The following SATB2 variants were observed in gnomAD, a reference collection of about 807,000 sequenced individuals.
SATB2 encodes the protein DNA-binding protein SATB2.
Under a neutral mutation model 73.4 loss-of-function variants are expected in SATB2, and 1 was observed. The observed-to-expected ratio is 0.01, with a 90% CI of 0.00 to 0.06. SATB2 has a LOEUF of 0.06. SATB2 is among the 10% of genes least tolerant of loss of function. SATB2 has a pLI of 1.00. For missense variants in SATB2, 459 were observed against 945.8 expected (o/e 0.49, Z 6.75); for synonymous variants, 397 against 367.0 (o/e 1.08, Z -0.93).
intron 3 of SATB2, among the ~76,000 whole-genome samples, chr2:199,403,129 T>C (rs1690530631): frequency 6.6e-6 from 1 of 152,184 alleles, no homozygotes; most frequent in Non-Finnish European, 1.5e-5. Flanking sequence ...AAACATAGAA[T>C]GACACCCACA....
intron 10 of SATB2, among the ~76,000 whole-genome samples, chr2:199,283,333 A>C (rs1574469586): frequency 6.8e-6 from 1 of 146,306 alleles, no homozygotes. Context: ...CTTGTGATCC[A>C]CCCACCTCTG....
chr2:199,395,589 A>G (rs940083136), intron 3 of SATB2, among the ~76,000 whole-genome samples: 3 of 152,354 alleles, frequency 2.0e-5, no homozygotes, highest in Admixed American at 2.0e-4. Context: ...AAATGCTTGT[A>G]TAATAATATT....
At chr2:199,431,440 T>A (rs1691498187) in intron 3 of SATB2, among the ~76,000 whole-genome samples, 1 of 152,224 alleles carries the variant, frequency 6.6e-6, no homozygotes, top group African/African-American at 2.4e-5. Flanking sequence ...AGTGATAAAA[T>A]CTTTGCTTAC....
chr2:199,390,432 G>T lies in SATB2; in HGVS notation c.347-8612C>A, dbSNP rs1690095941. On this transcript the variant is annotated intron_variant, in intron 3 of 10. Coordinates refer to ENST00000417098, the MANE Select transcript of SATB2 (RefSeq NM_001172509.2). ...TTCTAAGTTTAATCATTTTCTAAAA[G>T]AGTTTTAAATTAAAAAACTCATGGT... 3.3e-5 allele frequency among the ~76,000 whole-genome samples: 5 copies of T among 152,124 alleles called. No homozygotes were observed. The South Asian group carries it at 1.0e-3, about 32-fold the overall frequency.
chr2:199,466,996 TC>T (rs1692606273), upstream of SATB2, among the ~76,000 whole-genome samples: 2 of 152,276 alleles, frequency 1.3e-5, no homozygotes, highest in Non-Finnish European at 2.9e-5. Context: ...ATTTGGAAAC[TC>T]AGATAGAATC....
At chr2:199,277,226 A>G (rs1202528702) in intron 10 of SATB2, among the ~76,000 whole-genome samples, 1 of 152,232 alleles carries the variant, frequency 6.6e-6, no homozygotes, top group Non-Finnish European at 1.5e-5. Context: ...GGGATGTTGC[A>G]AATATTCTCT....
intron 5 of SATB2, among the ~76,000 whole-genome samples, chr2:199,372,840 G>C (rs1689490138): frequency 1.3e-5 from 2 of 152,014 alleles, no homozygotes; most frequent in Non-Finnish European, 2.9e-5. Flanking sequence ...TAGAATCCAA[G>C]AAAACTACGG....
chr2:199,338,450 T>C (rs569325875), intron 7 of SATB2, among the ~76,000 whole-genome samples: 3 of 152,046 alleles, frequency 2.0e-5, no homozygotes, highest in African/African-American at 7.2e-5. Context: ...TCATTGAGGA[T>C]AGAGACCTCT....
At chr2:199,410,031 C>T (rs1472054979) in intron 3 of SATB2, among the ~76,000 whole-genome samples, 1 of 152,138 alleles carries the variant, frequency 6.6e-6, no homozygotes, top group Non-Finnish European at 1.5e-5. Flanking sequence ...CATCACAGCC[C>T]AGAGTGATTA....
chr2:199,310,028 AG>A lies in SATB2; in HGVS notation c.1543-1072del, dbSNP rs148117668. Among the ~76,000 whole-genome samples the A allele has an allele frequency of 7.6e-3, 1,158 of 152,300 alleles. 13 individuals are homozygous for A. Among genetic ancestry groups the A allele is most frequent in the African/African-American group, 0.026 (1,087 of 41,556 alleles). On this transcript the variant is annotated intron_variant, in intron 9 of 10. Coordinates refer to ENST00000417098, the MANE Select transcript of SATB2 (RefSeq NM_001172509.2). ...TTCTGCCTTTACCCCAAAAAAGGCA[AG>A]ATTTGATTATCTCTGCTGCATCAGC...
At chr2:199,424,427 C>T (rs1250972173) in intron 3 of SATB2, among the ~76,000 whole-genome samples, 6 of 152,068 alleles carry the variant, frequency 3.9e-5, no homozygotes, top group Admixed American at 2.6e-4. Context: ...AGGAAGTCCC[C>T]GACAGCTCTG....
At chr2:199,384,502 C>T (rs575884271) in intron 3 of SATB2, among the ~76,000 whole-genome samples, 107 of 152,314 alleles carry the variant, frequency 7.0e-4, no homozygotes, top group African/African-American at 2.1e-3. Context: ...CTCTGTCTAA[C>T]GTACTGTGTT....
upstream of SATB2, among the ~76,000 whole-genome samples, chr2:199,462,531 C>T (rs1574652323): frequency 6.6e-6 from 1 of 152,150 alleles, no homozygotes; most frequent in Non-Finnish European, 1.5e-5. This position sits in a 1 kb window ranked among gnomAD's most constrained non-coding sequence, Gnocchi z 5.9. Context: ...TGGGGACTGA[C>T]CGGAGCGCAG....
intron 3 of SATB2, among the ~76,000 whole-genome samples, chr2:199,403,568 T>C (rs1053534380): frequency 5.6e-4 from 85 of 152,178 alleles, no homozygotes; most frequent in African/African-American, 2.0e-3. Flanking sequence ...CTACAATGGG[T>C]GTGTTTATTA....
chr2:199,273,610 A>G (rs2105709178), intron 10 of SATB2, among the ~76,000 whole-genome samples: 1 of 152,358 alleles, frequency 6.6e-6, no homozygotes, highest in African/African-American at 2.4e-5. Context: ...TTAAAGACAT[A>G]ACTGTTTCTT....
At chr2:199,315,507 A>C (rs1687706884) in intron 9 of SATB2, among the ~76,000 whole-genome samples, 1 of 151,976 alleles carries the variant, frequency 6.6e-6, no homozygotes, top group African/African-American at 2.4e-5. Context: ...ACCACAGATG[A>C]AAAGAGTGGG....
intron 2 of SATB2, among the ~76,000 whole-genome samples, chr2:199,438,065 C>G (rs1025306457): frequency 6.6e-6 from 1 of 151,604 alleles, no homozygotes; most frequent in East Asian, 1.9e-4. Context: ...TGAGATGTGT[C>G]GTAAGTATAC....
At chr2:199,309,560 C>T (rs571022064) in intron 9 of SATB2, among the ~76,000 whole-genome samples, 1 of 152,200 alleles carries the variant, frequency 6.6e-6, no homozygotes, top group Non-Finnish European at 1.5e-5. Flanking sequence ...GCCACACCTG[C>T]AGGAAGGTAG....
At chr2:199,325,672 C>T (rs1468062671) in intron 8 of SATB2, among the ~76,000 whole-genome samples, 2 of 152,114 alleles carry the variant, frequency 1.3e-5, no homozygotes, top group East Asian at 1.9e-4. Context: ...CTCATCCTAC[C>T]TGATTGGTCA....
Sources: gnomAD v4.1 joint callset for allele counts (sites outside exome capture counted in the v4.1 genomes callset) on GRCh38, gnomAD v4.1.1 for gene constraint, Gnocchi (gnomAD v3.1) non-coding constraint, MANE v1.5 for transcripts, NCBI Gene and HGNC (gene_info 2026-07-23, HGNC 2026-07-21) for gene names.